Variants in UGT1A10 observed in about 807,000 individuals in gnomAD.
UGT1A10 encodes UDP glucuronosyltransferase family 1 member A10.
Under a neutral mutation model 45.8 loss-of-function variants are expected in UGT1A10, and 49 were observed. That is an observed-to-expected ratio of 1.07 (90% confidence interval 0.85 to 1.36). The LOEUF is 1.36. Among genes scored for constraint, UGT1A10 ranks in the 40% most tolerant of loss-of-function variants. UGT1A10 has a pLI of 0.00. For synonymous variants in UGT1A10, 284 were observed against 249.7 expected, an observed-to-expected ratio of 1.14 and a Z score of -1.29; for missense variants, 745 against 668.6, an observed-to-expected ratio of 1.11 and a Z score of -1.26.
intron 1 of UGT1A10, among the ~76,000 whole-genome samples, chr2:233,684,227 C>A (rs754642033): frequency 1.3e-5 from 2 of 152,108 alleles, no homozygotes; most frequent in Non-Finnish European, 2.9e-5. Flanking sequence ...TGCAACCAAG[C>A]GCTTTCTAAA....
intron 1 of UGT1A10, among the ~76,000 whole-genome samples, chr2:233,701,053 A>C (rs1168383936): frequency 3.3e-5 from 5 of 152,162 alleles, no homozygotes; most frequent in South Asian, 2.1e-4. Flanking sequence ...ATGAACTCAT[A>C]ATTTTTTATG....
chr2:233,746,436 G>A (rs1200457799), intron 1 of UGT1A10, among the ~76,000 whole-genome samples: 2 of 151,690 alleles, frequency 1.3e-5, no homozygotes, highest in African/African-American at 4.9e-5. Flanking sequence ...TATGTCTTCA[G>A]CTTAAAAAGA....
chr2:233,637,919 A>T (rs1190126292), intron 1 of UGT1A10, among the ~76,000 whole-genome samples: 1 of 152,188 alleles, frequency 6.6e-6, no homozygotes, highest in East Asian at 1.9e-4. Flanking sequence ...TAATAATTGC[A>T]TAAAATTCTT....
At chr2:233,719,278 C>T (rs769049134) in intron 1 of UGT1A10, 1 of 1,614,106 alleles carries the variant, frequency 6.2e-7, no homozygotes, top group South Asian at 1.1e-5. Context: ...TTAACAGACC[C>T]CGTTAACCTC....
chr2:233,668,524 A>G (rs556855784), intron 1 of UGT1A10, among the ~76,000 whole-genome samples: 4 of 152,306 alleles, frequency 2.6e-5, no homozygotes, highest in African/African-American at 9.6e-5. Context: ...ATACGTGTGC[A>G]TGTGTCTTTA....
At chr2:233,732,137 TTTG>T (rs1309636549) in intron 1 of UGT1A10, among the ~76,000 whole-genome samples, 1 of 152,050 alleles carries the variant, frequency 6.6e-6, no homozygotes, top group African/African-American at 2.4e-5. Context: ...AGGTTGTTTG[TTTG>T]TTTTTTTTCT....
intron 1 of UGT1A10, among the ~76,000 whole-genome samples, chr2:233,701,178 A>G (rs961911263): frequency 7.9e-5 from 12 of 152,194 alleles, no homozygotes; most frequent in African/African-American, 2.7e-4. Flanking sequence ...CGTTATAAAC[A>G]TACATGTGCA....
At chr2:233,727,049 G>A (rs1171509932) in intron 1 of UGT1A10, among the ~76,000 whole-genome samples, 1 of 152,178 alleles carries the variant, frequency 6.6e-6, no homozygotes, top group Non-Finnish European at 1.5e-5. Flanking sequence ...ACCCCAAGAT[G>A]TGAAGATTAG....
intron 1 of UGT1A10, chr2:233,717,919 A>G (rs549898457): frequency 4.4e-6 from 2 of 454,776 alleles, no homozygotes; most frequent in Admixed American, 2.3e-5. Flanking sequence ...GCCTGGATGA[A>G]TGGATACTTC....
At chr2:233,672,941 G>A (rs4663871) in intron 1 of UGT1A10, 294,185 of 1,390,360 alleles carry the variant, frequency 0.21, 32,100 homozygotes, top group Non-Finnish European at 0.23. Flanking sequence ...GCGTGTACTC[G>A]TCAGTAGCAA....
chr2:233,664,584 T>C (rs903952069), intron 1 of UGT1A10, among the ~76,000 whole-genome samples: 1 of 152,176 alleles, frequency 6.6e-6, no homozygotes, highest in African/African-American at 2.4e-5. Flanking sequence ...AGCAGGAGCA[T>C]GTCACATGAC....
At chr2:233,655,654 G>T (rs1243415782) in intron 1 of UGT1A10, among the ~76,000 whole-genome samples, 2 of 152,198 alleles carry the variant, frequency 1.3e-5, no homozygotes, top group Non-Finnish European at 2.9e-5. Context: ...TAGGGGATAT[G>T]GGGGTGGGTG....
intron 4 of UGT1A10, among the ~76,000 whole-genome samples, chr2:233,771,772 C>T (rs536423324): frequency 2.8e-4 from 43 of 152,144 alleles, no homozygotes; most frequent in African/African-American, 1.0e-3. Flanking sequence ...CCGTCCCTCT[C>T]TCCTTTCCTC....
chr2:233,724,335 G>T (rs2077226383), intron 1 of UGT1A10, among the ~76,000 whole-genome samples: 1 of 147,968 alleles, frequency 6.8e-6, no homozygotes, highest in Admixed American at 6.7e-5. Flanking sequence ...CCAGGCGGGG[G>T]GCTGACCCCC....
At chr2:233,735,430 A>G (rs2125793200) in intron 1 of UGT1A10, among the ~76,000 whole-genome samples, 1 of 152,196 alleles carries the variant, frequency 6.6e-6, no homozygotes, top group East Asian at 1.9e-4. Context: ...GGCCTCCTGA[A>G]TACAGCATAC....
chr2:233,729,273 G>A (rs759495463), intron 1 of UGT1A10: 2 of 1,614,242 alleles, frequency 1.2e-6, no homozygotes, highest in Non-Finnish European at 1.7e-6. Context: ...AGGTCTTGCG[G>A]GAGCTCCATG....
intron 1 of UGT1A10, chr2:233,717,989 C>A: frequency 2.3e-6 from 1 of 440,050 alleles, no homozygotes; most frequent in South Asian, 1.6e-5. Context: ...GGAATTCAGA[C>A]TGTGCAAGAT....
chr2:233,656,540 A>G (rs1160112306), intron 1 of UGT1A10, among the ~76,000 whole-genome samples: 1 of 152,206 alleles, frequency 6.6e-6, no homozygotes, highest in Non-Finnish European at 1.5e-5. Flanking sequence ...AACATAGTTT[A>G]TTCTTTAAGT....
At chr2:233,662,078 G>A (rs1035666311) in intron 1 of UGT1A10, among the ~76,000 whole-genome samples, 1 of 152,066 alleles carries the variant, frequency 6.6e-6, no homozygotes, top group Non-Finnish European at 1.5e-5. Context: ...AGTACAGTAG[G>A]CACAGTTAAC....
Sources: allele counts gnomAD v4.1 joint callset (sites outside exome capture counted in the v4.1 genomes callset), GRCh38; gene constraint gnomAD v4.1.1; transcripts MANE v1.5; gene names NCBI Gene and HGNC (gene_info 2026-07-23, HGNC 2026-07-21).